The following CNN1 variants were observed in gnomAD, a reference collection of about 807,000 sequenced individuals.
The protein encoded by CNN1 is calponin 1.
Under a neutral mutation model 35.3 loss-of-function variants are expected in CNN1, and 21 were observed. The ratio of observed to expected loss-of-function variants is 0.60; its 90% CI spans 0.42 to 0.86. The LOEUF is 0.86. Among genes scored for constraint, CNN1 ranks in the 40% least tolerant of loss-of-function variants. CNN1 has a pLI of 0.00. For synonymous variants in CNN1, 164 were observed against 161.8 expected (o/e 1.01, Z -0.10); for missense variants, 314 against 400.8 (o/e 0.78, Z 1.85).
chr19:11,539,430 A>T, intron 1 of CNN1: 2 of 1,073,990 alleles, frequency 1.9e-6, no homozygotes, highest in Non-Finnish European at 2.3e-6. Flanking sequence ...GGTGAAAGGC[A>T]GGAAGCGGGC....
chr19:11,545,202 GA>G (rs34908887), intron 2 of CNN1, among the ~76,000 whole-genome samples: 438 of 138,510 alleles, frequency 3.2e-3, no homozygotes, highest in Middle Eastern at 0.015. Context: ...CTCCATCTCG[GA>G]AAAAAAAAAA....
Position 11,549,910 on chromosome 19 carries a change from A to AGGTTG in CNN1, c.*115_*116insGGTTG. 2.1e-6 allele frequency: 3 copies of AGGTTG among 1,434,034 alleles called. No individual in the cohort carries two copies. Among genetic ancestry groups the AGGTTG allele is most frequent in the Non-Finnish European group, 2.8e-6 (3 of 1,059,352 alleles). The allele number at this position is 1,434,034 out of a possible 1,614,324, so 88.8% of individuals were successfully genotyped here. A position where few individuals can be genotyped will look rare whatever the true frequency, so the allele number is the denominator to read the frequency against. Reference sequence around the variant, plus strand: ...GCATGGCATCCTCCAGCCCCTGTAGAACTCAACCTCTACAGGGTTAGAGTT... The same window carrying AGGTTG: ...GCATGGCATCCTCCAGCCCCTGTAGAGGTTGACTCAACCTCTACAGGGTTAGAGTT... On this transcript the variant is annotated 3_prime_UTR_variant, in exon 7 of 7. Coordinates refer to ENST00000252456, the MANE Select transcript of CNN1 (RefSeq NM_001299.6). This position sits in a 1 kb window ranked among gnomAD's most constrained non-coding sequence, Gnocchi z 5.2.
chr19:11,541,312 CT>C (rs1405911637), intron 2 of CNN1, 115 bp downstream of exon 2: 102 of 1,355,850 alleles, frequency 7.5e-5, no homozygotes, highest in Non-Finnish European at 9.7e-5. Flanking sequence ...TATTGGATAC[CT>C]TTGGGGTGGC....
At chr19:11,547,991 T>G in intron 5 of CNN1, 84 bp downstream of exon 5, 1 of 1,047,290 alleles carries the variant, frequency 9.5e-7, no homozygotes, top group Non-Finnish European at 1.4e-6. Context: ...ACAGGATATT[T>G]GGCATTAACT....
At chr19:11,547,971 G>T in intron 5 of CNN1, 64 bp downstream of exon 5, 1 of 1,318,762 alleles carries the variant, frequency 7.6e-7, no homozygotes, top group Non-Finnish European at 1.1e-6. Context: ...ATGTCTGAAG[G>T]CTTTTGGGGA....
intron 1 of CNN1, chr19:11,539,236 A>G: frequency 7.9e-7 from 1 of 1,261,620 alleles, no homozygotes; most frequent in Non-Finnish European, 1.0e-6. Context: ...TCCATTGCAA[A>G]GATACCCACC....
chr19:11,543,963 C>CTCATTCAT (rs141056725), intron 2 of CNN1, among the ~76,000 whole-genome samples: 3 of 151,520 alleles, frequency 2.0e-5, no homozygotes, highest in East Asian at 1.9e-4. Context: ...CGGTCATTCA[C>CTCATTCAT]TCATTCATTC....
intron 1 of CNN1, chr19:11,539,765 G>A (rs1400817985): frequency 1.8e-6 from 2 of 1,132,508 alleles, no homozygotes; most frequent in Admixed American, 2.5e-5. Context: ...GTGAGGAAGT[G>A]GGGGACTGGG....
intron 4 of CNN1, among the ~76,000 whole-genome samples, chr19:11,547,493 A>G (rs558912084): frequency 9.9e-5 from 15 of 152,016 alleles, no homozygotes; most frequent in Admixed American, 2.6e-4. Flanking sequence ...GGTGGATCAC[A>G]AGGTCAGGAG....
chr19:11,539,064 A>G, intron 1 of CNN1, 74 bp downstream of exon 1: 1 of 1,311,642 alleles, frequency 7.6e-7, no homozygotes, highest in Admixed American at 2.7e-5. Flanking sequence ...GGGTCCCTTG[A>G]ACCCCCTCCT....
intron 1 of CNN1, chr19:11,540,455 A>C (rs905649735): frequency 2.6e-5 from 4 of 152,590 alleles, no homozygotes; most frequent in Non-Finnish European, 5.8e-5. Flanking sequence ...CCAAGAAAAG[A>C]CAGCGCTGGG....
chr19:11,542,382 G>A (rs140735999), intron 2 of CNN1: 5,243 of 147,132 alleles, frequency 0.036, 126 homozygotes, highest in Admixed American at 0.071. Context: ...TAGTAGAGAC[G>A]GGATTTTGCC....
Position 11,540,083 on chromosome 19 carries a change from C to G in CNN1, c.64-993C>G, listed in dbSNP as rs990765145. 4.9e-6 allele frequency: 5 copies of G among 1,024,392 alleles called. No individual in the cohort carries two copies. In the African/African-American group the frequency reaches 8.7e-5, roughly 18 times the overall value. The allele number at this position is 1,024,392 out of a possible 1,614,324, so 63.5% of individuals were successfully genotyped here. On this transcript the variant is annotated intron_variant, in intron 1 of 6. Coordinates refer to ENST00000252456, the MANE Select transcript of CNN1 (RefSeq NM_001299.6). Reference sequence around the variant, plus strand: ...CCGGGAGAAGAAGAGGCAGCCCGGTCCCCTAGGGGCTGGGAGCCTGGCTGG... The same window carrying G: ...CCGGGAGAAGAAGAGGCAGCCCGGTGCCCTAGGGGCTGGGAGCCTGGCTGG...
chr19:11,545,216 A>AC (rs1972553675), intron 2 of CNN1, among the ~76,000 whole-genome samples: 1 of 151,520 alleles, frequency 6.6e-6, no homozygotes, highest in Admixed American at 6.6e-5. Context: ...AAAAAAAAAA[A>AC]ATTCTGGCTG....
chr19:11,539,256 T>G, intron 1 of CNN1: 1 of 1,233,560 alleles, frequency 8.1e-7, no homozygotes, highest in Non-Finnish European at 1.0e-6. Context: ...CTGATCAGTC[T>G]TCTGTTAACC....
At chr19:11,548,641 C>A (rs919307025) in intron 5 of CNN1, among the ~76,000 whole-genome samples, 1 of 152,082 alleles carries the variant, frequency 6.6e-6, no homozygotes, top group Admixed American at 6.6e-5. Context: ...AGTTCAAGGC[C>A]AGCCTGGCCA....
Position 11,549,921 on chromosome 19 carries a change from T to G in CNN1, c.*126T>G. The G allele has an allele frequency of 6.5e-5, 88 of 1,352,186 alleles. No individual in the cohort carries two copies. The highest frequency in any genetic ancestry group is 8.6e-5 in the Non-Finnish European group (85 of 988,848). The allele number at this position is 1,352,186 out of a possible 1,614,324, so 83.8% of individuals were successfully genotyped here. A position where few individuals can be genotyped will look rare whatever the true frequency, so the allele number is the denominator to read the frequency against. Reference sequence around the variant, plus strand: ...TCCAGCCCCTGTAGAACTCAACCTCTACAGGGTTAGAGTTTGGAGAGAGCA... The same window carrying G: ...TCCAGCCCCTGTAGAACTCAACCTCGACAGGGTTAGAGTTTGGAGAGAGCA... On this transcript the variant is annotated 3_prime_UTR_variant, in exon 7 of 7. Transcript: ENST00000252456. The surrounding 1 kb of genome is among the most constrained non-coding windows in gnomAD (Gnocchi z 5.2).
In CNN1 at chr19:11,546,850, TTCA is replaced by T. The variant is rs1972598160; in HGVS notation, c.275_277del (p.Ile92del). The stretch of plus-strand genomic sequence containing the variant: ...CCTCTAGCTGGAGAACATCGGCAAC[TTCA>T]TCAAGGCCATCACCAAGTATGGGGT... On this transcript the variant is annotated inframe_deletion, in exon 4 of 7. Coordinates refer to ENST00000252456, the MANE Select transcript of CNN1 (RefSeq NM_001299.6). 1.2e-6 allele frequency: 2 copies of T among 1,614,222 alleles called. No homozygotes were observed. The highest frequency in any genetic ancestry group is 1.7e-6 in the Non-Finnish European group (2 of 1,180,044).
chr19:11,541,737 C>T (rs1480562217), intron 2 of CNN1, among the ~76,000 whole-genome samples: 1 of 151,366 alleles, frequency 6.6e-6, no homozygotes, highest in Non-Finnish European at 1.5e-5. Context: ...TACAGGCACG[C>T]ACCACCATGC....
Sources: allele counts gnomAD v4.1 joint callset (sites outside exome capture counted in the v4.1 genomes callset), GRCh38; gene constraint gnomAD v4.1.1; non-coding constraint Gnocchi (gnomAD v3.1); transcripts MANE v1.5; gene names NCBI Gene and HGNC (gene_info 2026-07-23, HGNC 2026-07-21).